Variants in UNC13C observed in about 807,000 individuals in gnomAD.
The protein encoded by UNC13C is unc-13 homolog C.
UNC13C carries 174 observed loss-of-function variants against 245.4 expected under a neutral mutation model. The observed-to-expected ratio is 0.71, with a 90% CI of 0.63 to 0.80. The LOEUF (loss-of-function observed/expected upper bound fraction) is 0.80, where lower values mean the gene tolerates loss of function less well. Ranked by LOEUF, UNC13C falls within the 30% of genes least tolerant of loss-of-function variation. The pLI is 0.00. For synonymous variants in UNC13C, 992 were observed against 895.1 expected, an observed-to-expected ratio of 1.11 and a Z score of -1.93; for missense variants, 2,829 against 2,602.9, an observed-to-expected ratio of 1.09 and a Z score of -1.89.
the UNC13C span, among the ~76,000 whole-genome samples, chr15:53,961,544 A>C: frequency 6.6e-6 from 1 of 152,186 alleles, no homozygotes; most frequent in East Asian, 1.9e-4. Context: ...AGAGTGGTTA[A>C]CAGTTTAGAA....
chr15:54,360,311 GA>G (rs1295710085), intron 17 of UNC13C, among the ~76,000 whole-genome samples: 1 of 152,020 alleles, frequency 6.6e-6, no homozygotes, highest in Non-Finnish European at 1.5e-5. Flanking sequence ...AAATGTCTGT[GA>G]CATCTATTCA....
At position 54,225,027 on chromosome 15, in the gene UNC13C, C is replaced by CT. The variant is rs60180489; in HGVS notation, c.3072-9990dup. Among the ~76,000 whole-genome samples the CT allele has an allele frequency of 3.2e-3, 439 of 138,300 alleles. 1 individual carries two copies. The highest frequency in any genetic ancestry group is 4.8e-3 in the Non-Finnish European group (304 of 62,798). The allele number at this position is 138,300 out of a possible 152,430, so 90.7% of individuals were successfully genotyped here. On this transcript the variant is annotated intron_variant, in intron 4 of 32. Transcript: ENST00000260323. ...TCACCTCTGGTTTTACTTGTGTCTT[C>CT]TTTTTTTTTTTTTCTTATTTAGCTT...
the UNC13C span, among the ~76,000 whole-genome samples, chr15:53,963,346 T>C: frequency 6.6e-6 from 1 of 152,218 alleles, no homozygotes; most frequent in African/African-American, 2.4e-5. Flanking sequence ...GAAGACAGAC[T>C]GTCACAATGA....
At chr15:54,497,486 T>A (rs150011173) in intron 20 of UNC13C, among the ~76,000 whole-genome samples, 6 of 152,036 alleles carry the variant, frequency 3.9e-5, no homozygotes, top group Non-Finnish European at 4.4e-5. Flanking sequence ...CACAGAGATA[T>A]GAGTCCAACA....
chr15:54,217,680 T>C (rs1471280986), intron 4 of UNC13C, among the ~76,000 whole-genome samples: 1 of 151,912 alleles, frequency 6.6e-6, no homozygotes, highest in East Asian at 1.9e-4. Flanking sequence ...CCATCAGTGC[T>C]CCCAAAGATG....
chr15:54,073,650 T>C lies in UNC13C; in HGVS notation c.2983+57764T>C, dbSNP rs1013517457. On this transcript the variant is annotated intron_variant, in intron 2 of 32. Coordinates refer to ENST00000260323, the MANE Select transcript of UNC13C (RefSeq NM_001080534.3). ...ATAACCAGTGATGATGAGCATTTTT[T>C]CATATGTTTATTGGCTGCATAAATG... Among the ~76,000 whole-genome samples, 3 of 152,058 alleles carry C rather than the reference T, an allele frequency of 2.0e-5. No homozygotes were observed. In the East Asian group the frequency reaches 5.8e-4, roughly 29 times the overall value.
intron 10 of UNC13C, among the ~76,000 whole-genome samples, chr15:54,268,725 A>G (rs1057215575): frequency 1.3e-5 from 2 of 151,654 alleles, no homozygotes; most frequent in African/African-American, 4.9e-5. Flanking sequence ...CTACTAACTC[A>G]TGAATTAGGA....
At position 54,013,380 on chromosome 15, in the gene UNC13C, C is replaced by G; in HGVS notation, c.477C>G (p.Ser159Arg). 3 of 1,613,826 alleles carry G rather than the reference C, an allele frequency of 1.9e-6. No individual in the cohort carries two copies. The highest frequency in any genetic ancestry group is 2.2e-5 in the South Asian group (2 of 91,076). ...GACGCAACAGAAAGAGTTCAAGCAG[C>G]CTTGCACCCTCTGAGGGCAGCTCTG... ...PVRRNRKSSS[S>R]LAPSEGSSDG... The change falls in exon 2 of 33, where the codon AGC (serine) becomes AGG (arginine). Residue 159 changes from serine (S) to arginine (R), a missense_variant. Coordinates refer to ENST00000260323, the MANE Select transcript of UNC13C (RefSeq NM_001080534.3).
chr15:54,097,157 C>T (rs1318823157), intron 2 of UNC13C, among the ~76,000 whole-genome samples: 2 of 152,130 alleles, frequency 1.3e-5, no homozygotes, highest in Non-Finnish European at 2.9e-5. Context: ...TCTAACATTG[C>T]TTTGTCCTTC....
At chr15:54,237,807 C>A in intron 7 of UNC13C, 117 bp downstream of exon 7, 2 of 854,204 alleles carry the variant, frequency 2.3e-6, no homozygotes, top group Non-Finnish European at 1.8e-6. Context: ...CCAGAAATAA[C>A]TGGGAGCATG....
At chr15:54,053,461 T>G (rs183417175) in intron 2 of UNC13C, among the ~76,000 whole-genome samples, 99 of 152,326 alleles carry the variant, frequency 6.5e-4, no homozygotes, top group African/African-American at 2.3e-3. Context: ...TTCTGTGACA[T>G]GCTTCCCTGC....
At chr15:54,567,715 C>A (rs550236329) in intron 29 of UNC13C, 85 bp from the exon 30 acceptor site, 1 of 1,224,018 alleles carries the variant, frequency 8.2e-7, no homozygotes, top group East Asian at 2.6e-5. Flanking sequence ...TGTATTATTC[C>A]ATTTGAGCTT....
chr15:54,165,342 A>G (rs2033126751), intron 4 of UNC13C, among the ~76,000 whole-genome samples: 1 of 152,242 alleles, frequency 6.6e-6, no homozygotes, highest in Admixed American at 6.5e-5. Context: ...CAATATGGAA[A>G]AAATGAACTG....
At chr15:53,905,223 A>T in the UNC13C span, among the ~76,000 whole-genome samples, 2 of 152,272 alleles carry the variant, frequency 1.3e-5, no homozygotes, top group African/African-American at 4.8e-5. Flanking sequence ...AAGGAAATGA[A>T]AACAGTATCT....
intron 18 of UNC13C, among the ~76,000 whole-genome samples, chr15:54,408,199 C>CACAAAAAAAAAAAA (rs2040342569): frequency 3.4e-5 from 1 of 29,130 alleles, no homozygotes; most frequent in Non-Finnish European, 7.6e-5. Flanking sequence ...GACTCTGCCT[C>CACAAAAAAAAAAAA]AAAAAAAAAA....
the UNC13C span, among the ~76,000 whole-genome samples, chr15:53,868,740 C>T: frequency 6.6e-6 from 1 of 152,168 alleles, no homozygotes; most frequent in African/African-American, 2.4e-5. Context: ...AATAAGTTAA[C>T]TTTGAAGCAG....
chr15:54,161,780 G>A (rs1199122859), intron 4 of UNC13C, among the ~76,000 whole-genome samples: 1 of 152,084 alleles, frequency 6.6e-6, no homozygotes, highest in Non-Finnish European at 1.5e-5. Context: ...GAGAAACCCT[G>A]TCTCTCATAA....
intron 30 of UNC13C, among the ~76,000 whole-genome samples, chr15:54,616,579 T>TA (rs573338452): frequency 2.2e-4 from 33 of 151,686 alleles, no homozygotes; most frequent in East Asian, 2.1e-3. Context: ...AGCTTTTAAG[T>TA]AAAAAAAAGT....
intron 4 of UNC13C, among the ~76,000 whole-genome samples, chr15:54,152,733 A>G (rs949501609): frequency 1.3e-5 from 2 of 152,188 alleles, no homozygotes; most frequent in Admixed American, 6.5e-5. Flanking sequence ...AACACTGAAA[A>G]TAACCCCACT....
Sources: gnomAD v4.1 joint callset for allele counts (sites outside exome capture counted in the v4.1 genomes callset) on GRCh38, gnomAD v4.1.1 for gene constraint, MANE v1.5 for transcripts, NCBI Gene and HGNC (gene_info 2026-07-23, HGNC 2026-07-21) for gene names.